BNC2: variants seen among roughly 807,000 people sequenced by gnomAD.
BNC2 encodes basonuclin zinc finger protein 2, also known as zinc finger protein basonuclin-2.
BNC2 carries 20 observed loss-of-function variants against 76.3 expected under a neutral mutation model. The ratio of observed to expected loss-of-function variants is 0.26; its 90% CI spans 0.18 to 0.38. The LOEUF is 0.38. BNC2 is among the 10% of genes least tolerant of loss of function. BNC2 has a pLI of 1.00. For synonymous variants in BNC2, 582 were observed against 514.8 expected, an observed-to-expected ratio of 1.13 and a Z score of -1.77; for missense variants, 1,382 against 1,399.8, an observed-to-expected ratio of 0.99 and a Z score of 0.20.
chr9:16,741,181 A>C (rs1478051640), intron 1 of BNC2, among the ~76,000 whole-genome samples: 1 of 152,124 alleles, frequency 6.6e-6, no homozygotes, highest in African/African-American at 2.4e-5. Context: ...GGAAAGGGTA[A>C]AATGAAACTC....
chr9:16,808,442 G>T (rs1165301443), intron 1 of BNC2, among the ~76,000 whole-genome samples: 1 of 141,598 alleles, frequency 7.1e-6, no homozygotes, highest in African/African-American at 2.5e-5. Flanking sequence ...CCCCAGGCCT[G>T]AATCTATCAA....
chr9:16,849,641 G>C (rs1819079043), intron 1 of BNC2, among the ~76,000 whole-genome samples: 1 of 152,088 alleles, frequency 6.6e-6, no homozygotes, highest in Admixed American at 6.6e-5. Context: ...CTATAGGCGT[G>C]AGCCACCGCA....
chr9:16,592,664 T>G (rs1819964922), intron 3 of BNC2, among the ~76,000 whole-genome samples: 2 of 152,280 alleles, frequency 1.3e-5, no homozygotes, highest in South Asian at 4.1e-4. Context: ...GTATGGTAAG[T>G]GAAACATATC....
chr9:16,576,314 C>T (rs1035326906), intron 4 of BNC2, among the ~76,000 whole-genome samples: 2 of 152,148 alleles, frequency 1.3e-5, no homozygotes, highest in African/African-American at 4.8e-5. Context: ...CATATGGACA[C>T]TGTTGTGGAG....
rs1270689904 is a variant in BNC2 at position 16,413,214 on chromosome 9, T to G, written c.*5775A>C. On this transcript the variant is annotated 3_prime_UTR_variant, in exon 7 of 7. Transcript: ENST00000380672. The stretch of plus-strand genomic sequence containing the variant: ...ATTTTTTTTTTTCCTGCAGTAAAGG[T>G]CAAATGAATTTACAACAGCACTTTA... The G allele has an allele frequency of 6.6e-6, 1 of 152,066 alleles. No individual in the cohort carries two copies. The highest frequency in any genetic ancestry group is 1.5e-5 in the Non-Finnish European group (1 of 68,002). The allele number at this position is 152,066 out of a possible 1,614,324, so 9.4% of individuals were successfully genotyped here.
intron 1 of BNC2, among the ~76,000 whole-genome samples, chr9:16,806,810 G>A (rs1236666991): frequency 6.6e-6 from 1 of 152,122 alleles, no homozygotes; most frequent in East Asian, 1.9e-4. Context: ...TTTGGCATAG[G>A]TGGAGGAAGT....
intron 3 of BNC2, chr9:16,685,553 C>G: frequency 1.5e-6 from 2 of 1,304,154 alleles, no homozygotes; most frequent in Non-Finnish European, 2.0e-6. Flanking sequence ...ACCTGGACTT[C>G]CAGCCTGTGG....
intron 3 of BNC2, 87 bp from the exon 4 acceptor site, chr9:16,583,172 T>C (rs2133058919): frequency 8.9e-7 from 1 of 1,123,104 alleles, no homozygotes; most frequent in Middle Eastern, 2.0e-4. Context: ...TGCCCACTTC[T>C]ATTTTTAAAG....
chr9:16,697,293 C>A (rs1022836648), intron 3 of BNC2, among the ~76,000 whole-genome samples: 1 of 151,938 alleles, frequency 6.6e-6, no homozygotes, highest in Non-Finnish European at 1.5e-5. Flanking sequence ...GGTAGTGAGC[C>A]GAGATTGCGC....
At chr9:16,427,117 T>G (rs1368078818) in intron 6 of BNC2, among the ~76,000 whole-genome samples, 1 of 152,210 alleles carries the variant, frequency 6.6e-6, no homozygotes, top group African/African-American at 2.4e-5. Context: ...ATAAAGTACT[T>G]TTACTGATTT....
rs1343366006 is a variant in BNC2, at chr9:16,854,002, T to C, written c.3+16644A>G. Among the ~76,000 whole-genome samples, 5 of 152,352 alleles carry C rather than the reference T, an allele frequency of 3.3e-5. No individual in the cohort carries two copies. In the East Asian group the frequency reaches 7.7e-4, roughly 23 times the overall value. On this transcript the variant is annotated intron_variant, in intron 1 of 6. Transcript: ENST00000380672. ...GCCTGAACTTATGGATGTAAGTTCA[T>C]AGACATGGGACTTCTAAAGTCAGAC...
chr9:16,418,885 A>G lies in BNC2; in HGVS notation c.*104T>C, dbSNP rs1820647649. 40 of 1,274,190 alleles carry G rather than the reference A, an allele frequency of 3.1e-5. No homozygotes were observed. Among genetic ancestry groups the G allele is most frequent in the Non-Finnish European group, 4.3e-5 (38 of 873,936 alleles). The allele number at this position is 1,274,190 out of a possible 1,614,324, so 78.9% of individuals were successfully genotyped here. A position where few individuals can be genotyped will look rare whatever the true frequency, so the allele number is the denominator to read the frequency against. On this transcript the variant is annotated 3_prime_UTR_variant, in exon 7 of 7. Coordinates refer to ENST00000380672, the MANE Select transcript of BNC2 (RefSeq NM_017637.6). The stretch of plus-strand genomic sequence containing the variant: ...AGCATACATAAATGCACACACACAC[A>G]CACACACACACACACCCCAAGTACA...
intron 1 of BNC2, among the ~76,000 whole-genome samples, chr9:16,780,190 C>G (rs1298912906): frequency 1.4e-5 from 2 of 141,124 alleles, no homozygotes; most frequent in African/African-American, 5.3e-5. Flanking sequence ...GAGCCGAGAT[C>G]GCGCCACTGC....
chr9:16,630,745 G>GTTTTTTTTTTTT (rs1237990061), intron 3 of BNC2, among the ~76,000 whole-genome samples: 1 of 73,816 alleles, frequency 1.4e-5, no homozygotes, highest in Admixed American at 1.1e-4. Context: ...AATGTGGAGC[G>GTTTTTTTTTTTT]TTTCTTTTTT....
intron 5 of BNC2, among the ~76,000 whole-genome samples, chr9:16,481,103 C>T (rs1370297578): frequency 2.0e-5 from 3 of 152,112 alleles, no homozygotes; most frequent in African/African-American, 4.8e-5. Flanking sequence ...AGGGTTTGGG[C>T]TCTGGTGGGG....
rs575476022 is a variant in BNC2, at chr9:16,657,638, A to C, written c.330+70159T>G. 3.3e-5 allele frequency among the ~76,000 whole-genome samples: 5 copies of C among 152,330 alleles called. No homozygotes were observed. In the East Asian group the frequency reaches 7.7e-4, roughly 24 times the overall value. ...CTGAAGGGAATGTGCTTGGACCAGA[A>C]AGAGGCTTATCGTGTATTAATAATA... On this transcript the variant is annotated intron_variant, in intron 3 of 6. Coordinates refer to ENST00000380672, the MANE Select transcript of BNC2 (RefSeq NM_017637.6).
At chr9:16,561,615 T>C (rs1247371628) in intron 4 of BNC2, among the ~76,000 whole-genome samples, 1 of 152,138 alleles carries the variant, frequency 6.6e-6, no homozygotes, top group Non-Finnish European at 1.5e-5. Context: ...CTTTACAAAA[T>C]AAAGGTAGAT....
At chr9:16,638,740 C>G (rs1821400580) in intron 3 of BNC2, among the ~76,000 whole-genome samples, 1 of 151,898 alleles carries the variant, frequency 6.6e-6, no homozygotes, top group Non-Finnish European at 1.5e-5. Flanking sequence ...AAATGGCAAA[C>G]TACAAATAGA....
At chr9:16,647,727 A>G (rs1821676003) in intron 3 of BNC2, among the ~76,000 whole-genome samples, 1 of 152,172 alleles carries the variant, frequency 6.6e-6, no homozygotes, top group Non-Finnish European at 1.5e-5. Context: ...CAATATGTGT[A>G]TTCCCATCAA....
Sources: allele counts gnomAD v4.1 joint callset (sites outside exome capture counted in the v4.1 genomes callset), GRCh38; gene constraint gnomAD v4.1.1; transcripts MANE v1.5; gene names NCBI Gene and HGNC (gene_info 2026-07-23, HGNC 2026-07-21).